The following DDX1 variants were observed in gnomAD, a reference collection of about 807,000 sequenced individuals.
The protein encoded by DDX1 is DEAD-box helicase 1, also known as ATP-dependent RNA helicase DDX1.
DDX1 carries 28 observed loss-of-function variants against 108.7 expected under a neutral mutation model. That is an observed-to-expected ratio of 0.26 (90% CI 0.19 to 0.35). The LOEUF is 0.35. DDX1 is among the 10% of genes least tolerant of loss of function. The probability of loss-of-function intolerance (pLI) is 1.00; values close to 1 mark genes in which losing one functional copy is unlikely to be tolerated. For missense variants in DDX1, 710 were observed against 884.5 expected, an observed-to-expected ratio of 0.80 and a Z score of 2.50; for synonymous variants, 295 against 288.9, an observed-to-expected ratio of 1.02 and a Z score of -0.21.
In DDX1 at chr2:15,618,341, G is replaced by T. The variant is rs1558457688; in HGVS notation, c.1206+71G>T. The T allele has an allele frequency of 3.7e-6, 3 of 807,340 alleles. No individual in the cohort carries two copies. In the Admixed American group the frequency reaches 5.8e-5, roughly 16 times the overall value. The allele number at this position is 807,340 out of a possible 1,614,324, so 50.0% of individuals were successfully genotyped here. A position where few individuals can be genotyped will look rare whatever the true frequency, so the allele number is the denominator to read the frequency against. ...TATGTATAATGTTACGGGATCCCAG[G>T]GGGTGTTGCTTTTCTGGCTGGAAAC... On this transcript the variant is annotated intron_variant, in intron 16 of 25. Coordinates refer to ENST00000233084, the MANE Select transcript of DDX1 (RefSeq NM_004939.3).
At chr2:15,630,209 G>A (rs1666170508) in intron 25 of DDX1, 99 bp downstream of exon 25, 8 of 1,257,080 alleles carry the variant, frequency 6.4e-6, no homozygotes, top group Non-Finnish European at 8.0e-6. Flanking sequence ...TAGGTTAAGA[G>A]TATATTTTTA....
At chr2:15,594,680 G>A (rs955113238) in intron 1 of DDX1, among the ~76,000 whole-genome samples, 1 of 152,140 alleles carries the variant, frequency 6.6e-6, no homozygotes, top group Non-Finnish European at 1.5e-5. Context: ...TCCAATTGCT[G>A]AGGGTATTCA....
At chr2:15,613,306 T>G in intron 14 of DDX1, 22 bp downstream of exon 14, 3 of 1,557,516 alleles carry the variant, frequency 1.9e-6, no homozygotes, top group Non-Finnish European at 2.6e-6. Flanking sequence ...TTTTAATTTT[T>G]AAAACATAAT....
intron 19 of DDX1, among the ~76,000 whole-genome samples, chr2:15,625,297 C>G (rs895624175): frequency 2.0e-5 from 3 of 151,970 alleles, no homozygotes; most frequent in Admixed American, 1.3e-4. Flanking sequence ...AGTAGTAGTC[C>G]CCACAAGGGT....
At chr2:15,612,128 G>A (rs1439356382) in intron 13 of DDX1, among the ~76,000 whole-genome samples, 2 of 145,124 alleles carry the variant, frequency 1.4e-5, no homozygotes, top group African/African-American at 5.2e-5. Flanking sequence ...GCGGCTGGCC[G>A]GGCGGGGGGC....
chr2:15,608,645 G>C (rs1272432405), intron 13 of DDX1, among the ~76,000 whole-genome samples: 2 of 144,886 alleles, frequency 1.4e-5, no homozygotes, highest in Non-Finnish European at 3.0e-5. Context: ...CATCACAAAA[G>C]CCTGTGTTTT....
Position 15,615,412 on chromosome 2 carries a change from C to G in DDX1, c.1018-1832C>G, listed in dbSNP as rs1436002267. Among the ~76,000 whole-genome samples the G allele has an allele frequency of 2.0e-5, 3 of 152,172 alleles. No homozygotes were observed. In the East Asian group the frequency reaches 5.8e-4, roughly 29 times the overall value. On this transcript the variant is annotated intron_variant, in intron 14 of 25. Transcript: ENST00000233084. ...CACGTGGTTAGAATACTGTACTAAA[C>G]TGATGTCATAGAACCAGATGGTATT...
At chr2:15,597,808 G>A (rs916329763) in intron 5 of DDX1, among the ~76,000 whole-genome samples, 5 of 152,096 alleles carry the variant, frequency 3.3e-5, no homozygotes, top group Non-Finnish European at 7.4e-5. Flanking sequence ...TATTAAGGAA[G>A]GATTTTACAA....
chr2:15,594,641 G>T (rs1665470539), intron 1 of DDX1, among the ~76,000 whole-genome samples: 1 of 152,142 alleles, frequency 6.6e-6, no homozygotes, highest in Non-Finnish European at 1.5e-5. Flanking sequence ...AATAAATGTG[G>T]GTGCTCGCCA....
chr2:15,603,975 A>T, intron 9 of DDX1, 85 bp downstream of exon 9: 1 of 843,876 alleles, frequency 1.2e-6, no homozygotes, highest in Non-Finnish European at 1.8e-6. Flanking sequence ...AGGGTATACA[A>T]ATGATTCTCA....
At chr2:15,608,749 A>G (rs61446904) in intron 13 of DDX1, among the ~76,000 whole-genome samples, 1 of 145,572 alleles carries the variant, frequency 6.9e-6, no homozygotes, top group Non-Finnish European at 1.5e-5. Flanking sequence ...GTCTTCCTAC[A>G]CTGTAGCCTT....
intron 16 of DDX1, 91 bp from the exon 17 acceptor site, chr2:15,620,117 C>T: frequency 8.5e-7 from 1 of 1,183,250 alleles, no homozygotes; most frequent in Non-Finnish European, 1.2e-6. Context: ...GGAGTCTAGG[C>T]TAGCACACTT....
rs200204823 is a variant in DDX1 at position 15,621,060 on chromosome 2, G to C, written c.1396-5G>C. ...TATCCTGTTTTTATTCCTTGCTTTT[G>C]ATAGACTGATGATGTACATGCAAAA... On this transcript the variant is annotated splice_polypyrimidine_tract_variant and splice_region_variant and intron_variant, in intron 17 of 25. Transcript: ENST00000233084. The C allele has an allele frequency of 1.7e-4, 279 of 1,600,584 alleles. 1 individual carries two copies. The Admixed American group carries it at 1.8e-3, about 10-fold the overall frequency.
intron 18 of DDX1, among the ~76,000 whole-genome samples, chr2:15,623,182 G>A (rs911004432): frequency 6.6e-6 from 1 of 152,000 alleles, no homozygotes; most frequent in African/African-American, 2.4e-5. Context: ...TAAGGGGTAC[G>A]GTTATGGGTG....
At chr2:15,598,933 G>C (rs1006103946) in intron 5 of DDX1, among the ~76,000 whole-genome samples, 10 of 139,630 alleles carry the variant, frequency 7.2e-5, no homozygotes, top group Non-Finnish European at 1.2e-4. Context: ...TAAAGGACTT[G>C]CTTTTTTTTT....
chr2:15,602,782 C>T (rs556640027), intron 7 of DDX1, 151 bp downstream of exon 7: 21 of 594,018 alleles, frequency 3.5e-5, no homozygotes, highest in Admixed American at 6.0e-5. Context: ...GGTGCCATCT[C>T]GGCTCACTGC....
chr2:15,602,530 T>C lies in DDX1; in HGVS notation c.308-18T>C. 4 of 1,604,878 alleles carry C rather than the reference T, an allele frequency of 2.5e-6. No individual in the cohort carries two copies. The highest frequency in any genetic ancestry group is 3.4e-6 in the Non-Finnish European group (4 of 1,171,638). ...ACCTGTACTGACGTGTTTTTCTGTG[T>C]TTTCTTCTCAAATCCAGCAATTGGG... is the stretch of plus-strand genomic sequence containing the variant. On this transcript the variant is annotated intron_variant, in intron 6 of 25. Transcript: ENST00000233084.
rs186380999 is a variant in DDX1, at chr2:15,596,800, T to C, written c.162+37T>C. ...ATTATATTTACTTTCTCTCTAAAAG[T>C]TGAATTTTAAAATAACTTTGAACAG... On this transcript the variant is annotated intron_variant, in intron 4 of 25. Coordinates refer to ENST00000233084, the MANE Select transcript of DDX1 (RefSeq NM_004939.3). 89 of 1,537,942 alleles carry C rather than the reference T, an allele frequency of 5.8e-5. No individual in the cohort carries two copies. The Admixed American group carries it at 1.3e-3, about 22-fold the overall frequency.
intron 13 of DDX1, among the ~76,000 whole-genome samples, chr2:15,611,415 G>T (rs936317537): frequency 1.3e-5 from 2 of 150,304 alleles, no homozygotes; most frequent in South Asian, 2.1e-4. Context: ...CTCCCAGACG[G>T]GGTGGTGGCC....
Sources: allele counts gnomAD v4.1 joint callset (sites outside exome capture counted in the v4.1 genomes callset), GRCh38; gene constraint gnomAD v4.1.1; transcripts MANE v1.5; gene names NCBI Gene and HGNC (gene_info 2026-07-23, HGNC 2026-07-21).